Variants in DAP observed in about 807,000 individuals in gnomAD.
DAP encodes the protein death associated protein, also known as death-associated protein 1.
Under a neutral mutation model 13.8 loss-of-function variants are expected in DAP, and 8 were observed. The observed-to-expected ratio is 0.58, with a 90% confidence interval of 0.34 to 1.05. DAP has a LOEUF of 1.05. Among genes scored for constraint, DAP ranks in the 50% least tolerant of loss-of-function variants. The pLI is 0.03. For synonymous variants in DAP, 47 were observed against 47.5 expected (o/e 0.99, Z 0.04); for missense variants, 106 against 133.2 (o/e 0.80, Z 1.01).
chr5:10,684,749 C>T (rs1480031914), intron 2 of DAP, among the ~76,000 whole-genome samples: 1 of 152,166 alleles, frequency 6.6e-6, no homozygotes, highest in African/African-American at 2.4e-5. Flanking sequence ...AATTTAAAAA[C>T]ATCAGGACAC....
chr5:10,683,803 C>T (rs913023993), intron 2 of DAP, among the ~76,000 whole-genome samples: 1 of 152,140 alleles, frequency 6.6e-6, no homozygotes, highest in African/African-American at 2.4e-5. Flanking sequence ...CTGCAGCCAA[C>T]TGCGAGTGAA....
At chr5:10,723,161 G>A (rs921926060) in intron 2 of DAP, among the ~76,000 whole-genome samples, 2 of 152,114 alleles carry the variant, frequency 1.3e-5, no homozygotes, top group African/African-American at 2.4e-5. Context: ...AACTAAAAAA[G>A]AAAAGCTAAA....
chr5:10,713,698 C>T (rs1738908516), intron 2 of DAP, among the ~76,000 whole-genome samples: 1 of 152,214 alleles, frequency 6.6e-6, no homozygotes, highest in African/African-American at 2.4e-5. Context: ...GCTGGACCAG[C>T]AAGGAGCCGT....
At chr5:10,726,590 C>A (rs1458695155) in intron 2 of DAP, among the ~76,000 whole-genome samples, 1 of 152,248 alleles carries the variant, frequency 6.6e-6, no homozygotes, top group Admixed American at 6.5e-5. Context: ...AGGCGGGGTT[C>A]TGACTGCTCT....
At chr5:10,754,829 G>A (rs1246799236) in intron 1 of DAP, among the ~76,000 whole-genome samples, 1 of 152,164 alleles carries the variant, frequency 6.6e-6, no homozygotes, top group Non-Finnish European at 1.5e-5. Flanking sequence ...CAGCTTCCCC[G>A]TAGTTGGATT....
At chr5:10,750,842 C>T (rs1010221490) in intron 1 of DAP, among the ~76,000 whole-genome samples, 1 of 152,128 alleles carries the variant, frequency 6.6e-6, no homozygotes, top group Non-Finnish European at 1.5e-5. Context: ...CTCATGGGGC[C>T]TGTGATGCAG....
At chr5:10,732,104 G>A (rs556678893) in intron 2 of DAP, among the ~76,000 whole-genome samples, 14 of 152,346 alleles carry the variant, frequency 9.2e-5, no homozygotes, top group Admixed American at 2.6e-4. Flanking sequence ...GTGAGCTTCC[G>A]CTTTCTCAGT....
chr5:10,720,456 G>A (rs1287768892), intron 2 of DAP, among the ~76,000 whole-genome samples: 1 of 152,234 alleles, frequency 6.6e-6, no homozygotes, highest in African/African-American at 2.4e-5. Flanking sequence ...TGTATCCCCT[G>A]TGAGTGCTCA....
At chr5:10,699,231 A>T (rs1327208408) in intron 2 of DAP, among the ~76,000 whole-genome samples, 2 of 152,324 alleles carry the variant, frequency 1.3e-5, no homozygotes, top group South Asian at 4.1e-4. Context: ...TACGGTGTTT[A>T]TAAGTATCAA....
chr5:10,744,404 C>A (rs910693688), intron 2 of DAP, among the ~76,000 whole-genome samples: 1 of 152,154 alleles, frequency 6.6e-6, no homozygotes, highest in African/African-American at 2.4e-5. Flanking sequence ...CTTTTCCATA[C>A]CTGAAGTAAA....
chr5:10,704,111 A>T (rs560147034), intron 2 of DAP, among the ~76,000 whole-genome samples: 1 of 152,170 alleles, frequency 6.6e-6, no homozygotes, highest in Non-Finnish European at 1.5e-5. Flanking sequence ...ATAGTCCCTG[A>T]TCTCTTTTAC....
At chr5:10,756,941 T>G (rs752296084) in intron 1 of DAP, among the ~76,000 whole-genome samples, 13 of 152,202 alleles carry the variant, frequency 8.5e-5, no homozygotes, top group Admixed American at 2.6e-4. Context: ...CTGCAAATAT[T>G]TTGTAGTCAA....
chr5:10,759,356 G>T (rs559245252), intron 1 of DAP, among the ~76,000 whole-genome samples: 1 of 152,238 alleles, frequency 6.6e-6, no homozygotes, highest in Non-Finnish European at 1.5e-5. Context: ...GCCCGGGGTG[G>T]AAATCAAGGC....
chr5:10,703,543 TA>T (rs1290274069), intron 2 of DAP, among the ~76,000 whole-genome samples: 4 of 152,184 alleles, frequency 2.6e-5, no homozygotes, highest in Admixed American at 2.6e-4. Context: ...AAGTTAGCTC[TA>T]AAAAAACTCT....
Position 10,735,593 on chromosome 5 carries a change from C to A in DAP, c.152+12582G>T, listed in dbSNP as rs183162004. Among the ~76,000 whole-genome samples, 618 of 152,204 alleles carry A rather than the reference C, an allele frequency of 4.1e-3. 5 individuals carry two copies. The highest frequency in any genetic ancestry group is 0.014 in the African/African-American group (593 of 41,508). ...TACTTTTAAAATGAATACTCATATG[C>A]TGGGGATGCATGCAGAAAACATTTT... On this transcript the variant is annotated intron_variant, in intron 2 of 3. Transcript: ENST00000230895.
At chr5:10,683,439 A>C (rs1216262095) in intron 3 of DAP, 90 bp downstream of exon 3, 2 of 1,213,798 alleles carry the variant, frequency 1.6e-6, no homozygotes, top group Non-Finnish European at 2.5e-6. Context: ...GGGTTATTCC[A>C]GGTAGAGTTT....
Position 10,680,121 on chromosome 5 carries a change from A to G in DAP, c.*935T>C, listed in dbSNP as rs1178491673. 6.5e-6 allele frequency: 1 copy of G among 153,214 alleles called. No individual in the cohort carries two copies. The highest frequency in any genetic ancestry group is 6.5e-5 in the Admixed American group (1 of 15,388). 9.5% of individuals were successfully genotyped at this position (153,214 alleles called of 1,614,324 possible). On this transcript the variant is annotated 3_prime_UTR_variant, in exon 4 of 4. Transcript: ENST00000230895. ...GGAACAGTTAGACTCATCAGTGGAT[A>G]GGTTTTTCTAGCACAAATGGAATGT...
At chr5:10,714,266 A>G (rs770383257) in intron 2 of DAP, among the ~76,000 whole-genome samples, 9 of 152,236 alleles carry the variant, frequency 5.9e-5, no homozygotes, top group Non-Finnish European at 1.3e-4. Context: ...ACTGATATTT[A>G]GCCGGCCTTC....
chr5:10,706,005 C>A (rs1738689245), intron 2 of DAP, among the ~76,000 whole-genome samples: 1 of 152,192 alleles, frequency 6.6e-6, no homozygotes, highest in Non-Finnish European at 1.5e-5. Flanking sequence ...GCCACAGTCA[C>A]CTCCGCCCTC....
Sources: allele counts gnomAD v4.1 joint callset (sites outside exome capture counted in the v4.1 genomes callset), GRCh38; gene constraint gnomAD v4.1.1; transcripts MANE v1.5; gene names NCBI Gene and HGNC (gene_info 2026-07-23, HGNC 2026-07-21).